The following UVRAG variants were observed in gnomAD, a reference collection of about 807,000 sequenced individuals.
UVRAG encodes UV radiation resistance-associated gene protein.
Under a neutral mutation model 78.0 loss-of-function variants are expected in UVRAG, and 19 were observed. The ratio of observed to expected loss-of-function variants is 0.24; its 90% confidence interval spans 0.17 to 0.36. The LOEUF (loss-of-function observed/expected upper bound fraction) is 0.36, where lower values mean the gene tolerates loss of function less well. Among genes scored for constraint, UVRAG ranks in the 10% least tolerant of loss-of-function variants. UVRAG has a pLI of 1.00. For missense variants in UVRAG, 740 were observed against 853.8 expected (o/e 0.87, Z 1.66); for synonymous variants, 323 against 324.6 (o/e 1.00, Z 0.05).
At chr11:75,980,595 G>A (rs887051032) in intron 7 of UVRAG, among the ~76,000 whole-genome samples, 8 of 151,660 alleles carry the variant, frequency 5.3e-5, no homozygotes, top group Admixed American at 5.3e-4. Flanking sequence ...TTCTTCTGAT[G>A]TTTGTGAGAT....
intron 8 of UVRAG, among the ~76,000 whole-genome samples, chr11:76,001,022 C>T (rs1445321692): frequency 6.6e-6 from 1 of 152,212 alleles, no homozygotes. Flanking sequence ...TAGCATACCA[C>T]TCCACTGAAC....
At chr11:76,003,552 G>T (rs908769195) in intron 8 of UVRAG, among the ~76,000 whole-genome samples, 2 of 151,834 alleles carry the variant, frequency 1.3e-5, no homozygotes, top group Non-Finnish European at 2.9e-5. Flanking sequence ...GAAGATGACG[G>T]TTCATAAAAA....
chr11:75,912,731 C>T (rs553145991), intron 6 of UVRAG, among the ~76,000 whole-genome samples: 2 of 152,270 alleles, frequency 1.3e-5, no homozygotes, highest in South Asian at 4.1e-4. Flanking sequence ...CTAATGTTTA[C>T]GTGACACATA....
At chr11:75,930,156 G>A (rs141988790) in intron 6 of UVRAG, among the ~76,000 whole-genome samples, 10 of 152,280 alleles carry the variant, frequency 6.6e-5, no homozygotes, top group African/African-American at 2.4e-4. Context: ...TTAGGCAAAT[G>A]AATAAATTGA....
At chr11:75,855,185 C>T (rs891112345) in intron 2 of UVRAG, among the ~76,000 whole-genome samples, 9 of 152,112 alleles carry the variant, frequency 5.9e-5, no homozygotes, top group Non-Finnish European at 1.2e-4. Context: ...TTCTCTCTTC[C>T]AGCTCAGATT....
chr11:76,137,372 G>T (rs1952617079), intron 14 of UVRAG: 1 of 456,086 alleles, frequency 2.2e-6, no homozygotes, highest in African/African-American at 2.0e-5. Flanking sequence ...TCCCCTTATT[G>T]TGTCATCGCT....
At chr11:75,945,108 AAATT>A (rs1227811287) in intron 6 of UVRAG, among the ~76,000 whole-genome samples, 4 of 152,304 alleles carry the variant, frequency 2.6e-5, no homozygotes, top group Non-Finnish European at 4.4e-5. Context: ...CTAAAAAAAT[AAATT>A]AATTATCACT....
intron 12 of UVRAG, among the ~76,000 whole-genome samples, chr11:76,020,511 G>T (rs1055361215): frequency 2.6e-5 from 4 of 151,942 alleles, no homozygotes; most frequent in Non-Finnish European, 5.9e-5. Context: ...CCCAGCGTGG[G>T]TCTAGATATG....
intron 2 of UVRAG, among the ~76,000 whole-genome samples, chr11:75,860,974 G>A (rs1314387898): frequency 2.0e-5 from 3 of 152,030 alleles, no homozygotes; most frequent in African/African-American, 7.2e-5. Context: ...TAGAGATGGG[G>A]TTTCATCCTG....
intron 6 of UVRAG, among the ~76,000 whole-genome samples, chr11:75,938,012 T>C (rs1031045676): frequency 9.9e-5 from 15 of 152,136 alleles, no homozygotes; most frequent in African/African-American, 3.6e-4. Context: ...AGGTTTACTG[T>C]TTTTCTTGTA....
chr11:76,042,381 C>G (rs1950663991), intron 12 of UVRAG, among the ~76,000 whole-genome samples: 1 of 151,972 alleles, frequency 6.6e-6, no homozygotes, highest in African/African-American at 2.4e-5. Flanking sequence ...CAGATATTAA[C>G]CAAATTATAA....
chr11:76,085,324 C>CT (rs754784533), intron 13 of UVRAG, among the ~76,000 whole-genome samples: 3 of 152,070 alleles, frequency 2.0e-5, no homozygotes, highest in Admixed American at 1.3e-4. Context: ...GAACTGATAA[C>CT]TTTTTTTAAC....
chr11:75,865,357 G>A (rs981308092), intron 3 of UVRAG, among the ~76,000 whole-genome samples: 1 of 148,940 alleles, frequency 6.7e-6, no homozygotes, highest in East Asian at 2.0e-4. Flanking sequence ...CTGTTCTTAT[G>A]CCCTTATTCT....
chr11:75,949,169 C>T (rs901008794), intron 6 of UVRAG, among the ~76,000 whole-genome samples: 1 of 152,048 alleles, frequency 6.6e-6, no homozygotes, highest in East Asian at 1.9e-4. Flanking sequence ...CTGTCTAGGC[C>T]TTAGGTTGCT....
chr11:76,125,190 A>G (rs1253853073), intron 14 of UVRAG, among the ~76,000 whole-genome samples: 2 of 152,220 alleles, frequency 1.3e-5, no homozygotes, highest in African/African-American at 2.4e-5. Flanking sequence ...CAAGAGTCCT[A>G]CTTAAGGTAG....
intron 12 of UVRAG, among the ~76,000 whole-genome samples, chr11:76,060,402 A>G (rs1269184422): frequency 6.6e-6 from 1 of 152,234 alleles, no homozygotes; most frequent in African/African-American, 2.4e-5. Context: ...GAGGGGTGAC[A>G]GCGTGCTGAC....
chr11:76,034,209 A>AT (rs1388034214), intron 12 of UVRAG, among the ~76,000 whole-genome samples: 1 of 151,732 alleles, frequency 6.6e-6, no homozygotes, highest in Non-Finnish European at 1.5e-5. Flanking sequence ...GTCTATTTCT[A>AT]TTTTTTTGAA....
chr11:75,883,887 C>T (rs1164874486), intron 4 of UVRAG, among the ~76,000 whole-genome samples: 2 of 152,114 alleles, frequency 1.3e-5, no homozygotes, highest in Non-Finnish European at 2.9e-5. Flanking sequence ...GAGTAACCAC[C>T]ACCATAATAA....
chr11:75,919,197 A>T (rs1158613559), intron 6 of UVRAG, among the ~76,000 whole-genome samples: 3 of 152,180 alleles, frequency 2.0e-5, no homozygotes, highest in Admixed American at 6.5e-5. Context: ...TATGGATGTG[A>T]TAACCAACTT....
Sources: gnomAD v4.1 joint callset for allele counts (sites outside exome capture counted in the v4.1 genomes callset) on GRCh38, gnomAD v4.1.1 for gene constraint, MANE v1.5 for transcripts, NCBI Gene and HGNC (gene_info 2026-07-23, HGNC 2026-07-21) for gene names.